CLSTN2: variants seen among roughly 807,000 people sequenced by gnomAD.
CLSTN2 encodes the protein calsyntenin-2.
Under a neutral mutation model 101.2 loss-of-function variants are expected in CLSTN2, and 48 were observed. That is an observed-to-expected ratio of 0.47 (90% CI 0.38 to 0.60). The LOEUF is 0.60. CLSTN2 is among the 20% of genes least tolerant of loss of function. The probability of loss-of-function intolerance (pLI) is 0.00; values close to 1 mark genes in which losing one functional copy is unlikely to be tolerated. For synonymous variants in CLSTN2, 481 were observed against 463.6 expected, an observed-to-expected ratio of 1.04 and a Z score of -0.48; for missense variants, 1,160 against 1,238.2, an observed-to-expected ratio of 0.94 and a Z score of 0.95.
rs781329568 is a variant in CLSTN2 at position 140,532,503 on chromosome 3, C to T, written c.1507+17C>T. ...GTTGGCAAGGTAATCCTAAGTGAAA[C>T]CCTTTTCTCTGACCTGTTTGTGAAT... is the stretch of plus-strand genomic sequence containing the variant. On this transcript the variant is annotated intron_variant, in intron 9 of 16. Coordinates refer to ENST00000458420, the MANE Select transcript of CLSTN2 (RefSeq NM_022131.3). 9 of 1,604,400 alleles carry T rather than the reference C, an allele frequency of 5.6e-6. No homozygotes were observed. Among genetic ancestry groups the T allele is most frequent in the Non-Finnish European group, 7.7e-6 (9 of 1,174,120 alleles).
At chr3:139,986,769 G>A (rs1040127547) in intron 1 of CLSTN2, among the ~76,000 whole-genome samples, 1 of 152,138 alleles carries the variant, frequency 6.6e-6, no homozygotes, top group African/African-American at 2.4e-5. Context: ...TAAGGACAGG[G>A]ATGTCTCTCA....
intron 7 of CLSTN2, among the ~76,000 whole-genome samples, chr3:140,463,343 G>A (rs1252984238): frequency 1.3e-5 from 2 of 152,206 alleles, no homozygotes; most frequent in Non-Finnish European, 2.9e-5. Flanking sequence ...AGAGAGAGGG[G>A]CCAACCTTGT....
At chr3:140,002,436 G>T (rs2006862053) in intron 1 of CLSTN2, among the ~76,000 whole-genome samples, 1 of 152,114 alleles carries the variant, frequency 6.6e-6, no homozygotes, top group African/African-American at 2.4e-5. Flanking sequence ...AGTTGTTTGA[G>T]TTCCTTATAT....
At chr3:140,253,953 G>C (rs1386583243) in intron 2 of CLSTN2, among the ~76,000 whole-genome samples, 2 of 152,122 alleles carry the variant, frequency 1.3e-5, no homozygotes, top group Non-Finnish European at 2.9e-5. Flanking sequence ...GTTGGGGTCA[G>C]TTGGGTGACA....
At position 139,936,684 on chromosome 3, in the gene CLSTN2, G is replaced by C. The variant is rs1935028754; in HGVS notation, c.109+1201G>C. Among the ~76,000 whole-genome samples the C allele has an allele frequency of 2.0e-5, 3 of 152,332 alleles. No individual in the cohort carries two copies. The South Asian group carries it at 6.2e-4, about 32-fold the overall frequency. The stretch of plus-strand genomic sequence containing the variant: ...CAGGCTGCATTACTCTTGGAGGTTG[G>C]GGAGAGCTGGAGGCAGGCAGTTCGC... On this transcript the variant is annotated intron_variant, in intron 1 of 16. Transcript: ENST00000458420.
At chr3:140,197,486 G>A (rs1243976709) in intron 2 of CLSTN2, among the ~76,000 whole-genome samples, 2 of 152,142 alleles carry the variant, frequency 1.3e-5, no homozygotes, top group Non-Finnish European at 2.9e-5. Context: ...GGAAACTCAG[G>A]CTCAGAGAAG....
At chr3:140,435,521 A>C (rs1282902553) in intron 5 of CLSTN2, among the ~76,000 whole-genome samples, 2 of 152,234 alleles carry the variant, frequency 1.3e-5, no homozygotes, top group Admixed American at 1.3e-4. Flanking sequence ...CAGTGCTGCA[A>C]CAAACATAGG....
At chr3:140,414,018 T>C (rs1368458590) in intron 4 of CLSTN2, among the ~76,000 whole-genome samples, 1 of 152,116 alleles carries the variant, frequency 6.6e-6, no homozygotes, top group Non-Finnish European at 1.5e-5. Context: ...TTGACACTTT[T>C]ATTCAACATA....
chr3:139,946,127 A>C (rs1009842287), intron 1 of CLSTN2, among the ~76,000 whole-genome samples: 2 of 152,170 alleles, frequency 1.3e-5, no homozygotes, highest in African/African-American at 2.4e-5. Context: ...AACCCTTCAA[A>C]AATACTGAAA....
chr3:140,419,638 CATATAT>C lies in CLSTN2; in HGVS notation c.638-1484_638-1479del, dbSNP rs1553742037. On this transcript the variant is annotated intron_variant, in intron 4 of 16. Transcript: ENST00000458420. ...ACGTGTACGTATATATGTATATATA[CATATAT>C]ATGTACACGTATATATACATATATG... Among the ~76,000 whole-genome samples the C allele has an allele frequency of 3.7e-5, 2 of 53,408 alleles. 1 individual carries two copies. The highest frequency in any genetic ancestry group is 3.3e-4 in the Admixed American group (2 of 5,980). The allele number at this position is 53,408 out of a possible 152,430, so 35.0% of individuals were successfully genotyped here. A position where few individuals can be genotyped will look rare whatever the true frequency, so the allele number is the denominator to read the frequency against.
intron 2 of CLSTN2, among the ~76,000 whole-genome samples, chr3:140,295,631 T>A (rs1167646379): frequency 6.6e-6 from 1 of 152,218 alleles, no homozygotes; most frequent in African/African-American, 2.4e-5. Context: ...ATGCCAGTTA[T>A]TTAAAATATG....
chr3:140,154,396 G>A (rs1228280788), intron 1 of CLSTN2, among the ~76,000 whole-genome samples: 1 of 152,034 alleles, frequency 6.6e-6, no homozygotes, highest in Non-Finnish European at 1.5e-5. Context: ...TGAGTTAGGA[G>A]TGGGTATAAT....
chr3:140,302,229 A>G (rs1174789206), intron 2 of CLSTN2, among the ~76,000 whole-genome samples: 4 of 152,214 alleles, frequency 2.6e-5, no homozygotes, highest in African/African-American at 4.8e-5. Flanking sequence ...TTCCAGAACC[A>G]GAACTGTGAC....
intron 1 of CLSTN2, among the ~76,000 whole-genome samples, chr3:140,102,499 T>A (rs144224259): frequency 4.3e-4 from 65 of 152,326 alleles, no homozygotes; most frequent in African/African-American, 1.5e-3. Flanking sequence ...TTGCAAAGAA[T>A]CTTGCCTCTG....
At chr3:140,097,221 A>G (rs1338906509) in intron 1 of CLSTN2, among the ~76,000 whole-genome samples, 1 of 152,180 alleles carries the variant, frequency 6.6e-6, no homozygotes, top group Non-Finnish European at 1.5e-5. Context: ...GAAGATGCTG[A>G]GCCTCAGAGG....
Position 140,389,516 on chromosome 3 carries a change from C to T in CLSTN2, c.233-14113C>T, listed in dbSNP as rs199503709. 2.6e-5 allele frequency among the ~76,000 whole-genome samples: 4 copies of T among 152,192 alleles called. No homozygotes were observed. In the East Asian group the frequency reaches 7.7e-4, roughly 29 times the overall value. The stretch of plus-strand genomic sequence containing the variant: ...GTATTCCATGGTGTATATGTATTTT[C>T]TTTATCCAGTCTATCATTGATGGGG... On this transcript the variant is annotated intron_variant, in intron 2 of 16. Transcript: ENST00000458420.
chr3:140,262,902 G>C (rs568338747), intron 2 of CLSTN2, among the ~76,000 whole-genome samples: 104 of 152,182 alleles, frequency 6.8e-4, no homozygotes, highest in African/African-American at 2.4e-3. Context: ...AGAAAGAAAG[G>C]GATCACTGGG....
chr3:140,491,078 A>G (rs1238152485), intron 8 of CLSTN2, among the ~76,000 whole-genome samples: 1 of 152,224 alleles, frequency 6.6e-6, no homozygotes, highest in Non-Finnish European at 1.5e-5. Flanking sequence ...TGTGGAGTAA[A>G]ACACAAATGG....
intron 6 of CLSTN2, among the ~76,000 whole-genome samples, chr3:140,451,765 G>A (rs1933257428): frequency 6.6e-6 from 1 of 152,208 alleles, no homozygotes; most frequent in African/African-American, 2.4e-5. Context: ...CCAGAGACAA[G>A]TTTCTGTGTG....
Sources: gnomAD v4.1 joint callset for allele counts (sites outside exome capture counted in the v4.1 genomes callset) on GRCh38, gnomAD v4.1.1 for gene constraint, MANE v1.5 for transcripts, NCBI Gene and HGNC (gene_info 2026-07-23, HGNC 2026-07-21) for gene names.